Variants in VCL observed in about 807,000 individuals in gnomAD.
VCL encodes the protein vinculin.
In VCL, 47 loss-of-function variants were observed where a neutral mutation model predicts 125.7. That is an observed-to-expected ratio of 0.37 (90% confidence interval 0.30 to 0.48). The LOEUF is 0.48. Ranked by LOEUF, VCL falls within the 20% of genes least tolerant of loss-of-function variation. VCL has a pLI of 0.99. For synonymous variants in VCL, 458 were observed against 514.6 expected (o/e 0.89, Z 1.49); for missense variants, 1,069 against 1,455.5 (o/e 0.73, Z 4.32).
At chr10:74,018,177 G>GATATATATATATATATATATATATATAA (rs72407698) in intron 1 of VCL, among the ~76,000 whole-genome samples, 2 of 81,908 alleles carry the variant, frequency 2.4e-5, no homozygotes, top group African/African-American at 8.8e-5. Context: ...ATATATATAG[G>GATATATATATATATATATATATATATAA]ATATATATAT....
In VCL at chr10:74,120,037, G is replaced by A. The variant is rs1450280305; in HGVS notation, c.*1868G>A. On this transcript the variant is annotated 3_prime_UTR_variant, in exon 22 of 22. Coordinates refer to ENST00000211998, the MANE Select transcript of VCL (RefSeq NM_014000.3). ...AAAAAAAAAAAAAAAAAAAATCCCTGAATGATGATTAGAGACATCACCGCT... is the reference window on the plus strand; with the variant it reads ...AAAAAAAAAAAAAAAAAAAATCCCTAAATGATGATTAGAGACATCACCGCT... 6.9e-6 allele frequency: 1 copy of A among 145,738 alleles called. No individual in the cohort carries two copies. Among genetic ancestry groups the A allele is most frequent in the African/African-American group, 2.5e-5 (1 of 39,712 alleles). The allele number at this position is 145,738 out of a possible 1,614,324, so 9.0% of individuals were successfully genotyped here.
At chr10:74,112,705 A>T (rs774512293) in intron 19 of VCL, among the ~76,000 whole-genome samples, 2 of 152,104 alleles carry the variant, frequency 1.3e-5, no homozygotes, top group Non-Finnish European at 2.9e-5. Context: ...TGGGAAATGG[A>T]GTACTCAAGG....
intron 1 of VCL, among the ~76,000 whole-genome samples, chr10:74,036,997 G>T (rs1840991797): frequency 6.6e-6 from 1 of 150,464 alleles, no homozygotes; most frequent in South Asian, 2.1e-4. Context: ...TGCAAGCTCT[G>T]CCTCCCGGGT....
At chr10:74,092,110 A>G (rs1160297709) in intron 10 of VCL, among the ~76,000 whole-genome samples, 1 of 151,902 alleles carries the variant, frequency 6.6e-6, no homozygotes, top group African/African-American at 2.4e-5. Flanking sequence ...GGGTTTCACC[A>G]TGTTGTCCAG....
intron 19 of VCL, among the ~76,000 whole-genome samples, 155 bp from the exon 20 acceptor site, chr10:74,114,028 TC>T (rs1840271836): frequency 6.6e-6 from 1 of 152,152 alleles, no homozygotes; most frequent in South Asian, 2.1e-4. Context: ...TCCAGTGCTA[TC>T]CGTATCACTC....
chr10:74,054,920 C>G (rs1277159383), intron 2 of VCL, among the ~76,000 whole-genome samples: 1 of 145,962 alleles, frequency 6.9e-6, no homozygotes, highest in Non-Finnish European at 1.5e-5. Context: ...GACTATGTCT[C>G]AAAAAAAAAC....
intron 2 of VCL, among the ~76,000 whole-genome samples, chr10:74,069,576 G>A (rs931240207): frequency 6.6e-6 from 1 of 152,190 alleles, no homozygotes; most frequent in African/African-American, 2.4e-5. Context: ...AACCTGGTGA[G>A]ATAGGCTTTT....
chr10:74,001,298 C>A (rs533248332), intron 1 of VCL, among the ~76,000 whole-genome samples: 3 of 152,118 alleles, frequency 2.0e-5, no homozygotes, highest in East Asian at 1.9e-4. Flanking sequence ...GGAGGTCAAG[C>A]CTTGTCTGAT....
At chr10:74,040,242 G>A (rs561031252) in intron 1 of VCL, among the ~76,000 whole-genome samples, 11 of 152,292 alleles carry the variant, frequency 7.2e-5, no homozygotes, top group Admixed American at 2.6e-4. Context: ...TAGACTGTAA[G>A]TTCCGTGAAG....
At chr10:74,014,655 A>G (rs1232033001) in intron 1 of VCL, among the ~76,000 whole-genome samples, 1 of 152,146 alleles carries the variant, frequency 6.6e-6, no homozygotes, top group African/African-American at 2.4e-5. Flanking sequence ...AGAGTTGAGA[A>G]ATATTATGCA....
At position 74,071,208 on chromosome 10, in the gene VCL, G is replaced by A. The variant is rs376182838; in HGVS notation, c.499+125G>A. On this transcript the variant is annotated intron_variant, in intron 4 of 21. Transcript: ENST00000211998. This position sits in a 1 kb window ranked among gnomAD's most constrained non-coding sequence, Gnocchi z 4.1. ...AGATGCATTGGGCTTTCAGGTGTCT[G>A]CTCTGTTGATGGAGATGATGCTGTG... 124 of 836,908 alleles carry A rather than the reference G, an allele frequency of 1.5e-4. No homozygotes were observed. In the South Asian group the frequency reaches 1.7e-3, roughly 12 times the overall value. The allele number at this position is 836,908 out of a possible 1,614,324, so 51.8% of individuals were successfully genotyped here. A position where few individuals can be genotyped will look rare whatever the true frequency, so the allele number is the denominator to read the frequency against.
chr10:74,028,337 G>A (rs1160733067), intron 1 of VCL, among the ~76,000 whole-genome samples: 5 of 151,552 alleles, frequency 3.3e-5, no homozygotes, highest in Middle Eastern at 3.4e-3. Context: ...TCCAGCCTTG[G>A]CTTCCCAAAA....
At chr10:74,093,647 T>TA (rs1355948470) in intron 10 of VCL, among the ~76,000 whole-genome samples, 1 of 150,466 alleles carries the variant, frequency 6.6e-6, no homozygotes, top group Non-Finnish European at 1.5e-5. Flanking sequence ...TTTTTTTTTT[T>TA]AATTAGCCAG....
intron 15 of VCL, 161 bp from the exon 16 acceptor site, chr10:74,104,890 G>T: frequency 5.1e-6 from 4 of 789,268 alleles, no homozygotes; most frequent in Admixed American, 5.2e-5. Context: ...TTTTAACTGT[G>T]GTGTTTACCT....
At chr10:74,011,586 G>A (rs1840437217) in intron 1 of VCL, among the ~76,000 whole-genome samples, 1 of 152,078 alleles carries the variant, frequency 6.6e-6, no homozygotes. Context: ...ATACCAGCTA[G>A]TCATTTTAGG....
intron 1 of VCL, among the ~76,000 whole-genome samples, chr10:74,025,519 T>C (rs1840754446): frequency 6.7e-6 from 1 of 149,878 alleles, no homozygotes; most frequent in South Asian, 2.1e-4. Flanking sequence ...GAGGCTGAAG[T>C]GGGAGGATTG....
chr10:74,114,434 T>TGCGTGTGTGTGTGTGTGTGTGTGC (rs60917222), intron 20 of VCL, 47 bp downstream of exon 20: 1 of 1,416,636 alleles, frequency 7.1e-7, no homozygotes. Context: ...TGTGTGTGTG[T>TGCGTGTGTGTGTGTGTGTGTGTGC]GTGCGTGTGT....
intron 6 of VCL, chr10:74,075,977 A>G (rs970484732): frequency 4.6e-5 from 7 of 152,778 alleles, no homozygotes; most frequent in East Asian, 1.9e-4. Context: ...TTAAATCTAT[A>G]TGGTAAAATC....
intron 8 of VCL, 123 bp from the exon 9 acceptor site, chr10:74,089,073 T>G (rs1027038929): frequency 1.6e-5 from 23 of 1,408,344 alleles, no homozygotes; most frequent in Non-Finnish European, 2.2e-5. Flanking sequence ...CTGTCCCAGA[T>G]TTACTGGGAA....
Sources: allele counts gnomAD v4.1 joint callset (sites outside exome capture counted in the v4.1 genomes callset), GRCh38; gene constraint gnomAD v4.1.1; non-coding constraint Gnocchi (gnomAD v3.1); transcripts MANE v1.5; gene names NCBI Gene and HGNC (gene_info 2026-07-23, HGNC 2026-07-21).